Variants in MCEE observed in about 807,000 individuals in gnomAD.
MCEE encodes the protein methylmalonyl-CoA epimerase, mitochondrial.
A neutral mutation model predicts 12.9 loss-of-function variants in MCEE; 6 were observed. The ratio of observed to expected loss-of-function variants is 0.47; its 90% CI spans 0.26 to 0.92. MCEE has a LOEUF of 0.92. Ranked by LOEUF, MCEE falls within the 40% of genes least tolerant of loss-of-function variation. The probability of loss-of-function intolerance (pLI) is 0.16; values close to 1 mark genes in which losing one functional copy is unlikely to be tolerated. For missense variants in MCEE, 214 were observed against 212.1 expected (o/e 1.01, Z -0.05); for synonymous variants, 78 against 77.9 (o/e 1.00, Z -0.01).
intron 1 of MCEE, among the ~76,000 whole-genome samples, chr2:71,126,411 A>G (rs551138818): frequency 1.3e-5 from 2 of 152,100 alleles, no homozygotes; most frequent in South Asian, 4.2e-4. Flanking sequence ...TATTTTTAGT[A>G]GAGACAGGGT....
intron 2 of MCEE, among the ~76,000 whole-genome samples, chr2:71,114,915 T>C (rs1443240830): frequency 1.3e-5 from 2 of 152,222 alleles, no homozygotes; most frequent in Non-Finnish European, 2.9e-5. Context: ...TTTCATGATA[T>C]AATCATGACT....
intron 2 of MCEE, among the ~76,000 whole-genome samples, chr2:71,120,816 C>A (rs1400536775): frequency 6.6e-6 from 1 of 151,838 alleles, no homozygotes; most frequent in African/African-American, 2.4e-5. Flanking sequence ...TGGCTCACTG[C>A]AACCTCTGCC....
chr2:71,120,889 C>T (rs12713736), intron 2 of MCEE, among the ~76,000 whole-genome samples: 42,834 of 151,866 alleles, frequency 0.28, 7,112 homozygotes, highest in East Asian at 0.65. Context: ...AGGTGTGCGC[C>T]GCCACGTCCA....
intron 1 of MCEE, among the ~76,000 whole-genome samples, chr2:71,125,402 T>C (rs935107070): frequency 6.6e-6 from 1 of 151,474 alleles, no homozygotes; most frequent in Non-Finnish European, 1.5e-5. Context: ...AGATGGGGTT[T>C]CGCCTCATTG....
chr2:71,115,891 C>A (rs952202020), intron 2 of MCEE, among the ~76,000 whole-genome samples: 2 of 149,248 alleles, frequency 1.3e-5, no homozygotes, highest in Admixed American at 6.6e-5. Context: ...CAGCAAACCA[C>A]TATGGCACAT....
chr2:71,123,261 G>A (rs759396934), intron 2 of MCEE, among the ~76,000 whole-genome samples: 6 of 152,178 alleles, frequency 3.9e-5, no homozygotes, highest in South Asian at 2.1e-4. Flanking sequence ...AGAGGCTGAC[G>A]TAGGTGAATC....
intron 1 of MCEE, 84 bp downstream of exon 1, chr2:71,130,096 G>T: frequency 7.2e-7 from 1 of 1,385,700 alleles, no homozygotes; most frequent in Non-Finnish European, 1.0e-6. Flanking sequence ...AGGTGCTTTG[G>T]CCACGCCGAG....
Position 71,109,898 on chromosome 2 carries a change from T to C in MCEE, c.*72A>G. ...ATGATGGAAGCAGTGAAGGACTCAA[T>C]GTCATAGTACATTTTGATAGTATTT... On this transcript the variant is annotated 3_prime_UTR_variant, in exon 3 of 3. Coordinates refer to ENST00000244217, the MANE Select transcript of MCEE (RefSeq NM_032601.4). The C allele has an allele frequency of 1.3e-6, 2 of 1,487,168 alleles. No individual in the cohort carries two copies. The highest frequency in any genetic ancestry group is 1.9e-6 in the Non-Finnish European group (2 of 1,073,658). The allele number at this position is 1,487,168 out of a possible 1,614,324, so 92.1% of individuals were successfully genotyped here.
At chr2:71,115,747 A>G (rs958537733) in intron 2 of MCEE, among the ~76,000 whole-genome samples, 1 of 142,750 alleles carries the variant, frequency 7.0e-6, no homozygotes, top group Non-Finnish European at 1.5e-5. Context: ...GTTCTCACTC[A>G]TAAGTGGGAG....
In MCEE at chr2:71,130,164, G is replaced by A. The variant is rs1375621431; in HGVS notation, c.40+16C>T. 2 of 1,607,494 alleles carry A rather than the reference G, an allele frequency of 1.2e-6. No homozygotes were observed. Among genetic ancestry groups the A allele is most frequent in the Admixed American group, 1.7e-5 (1 of 59,406 alleles). ...TCCCTGTCCCATGGCGAAGGTCGCC[G>A]GTGCCCGGTATTCACCTACGGCATT... On this transcript the variant is annotated intron_variant, in intron 1 of 2. Coordinates refer to ENST00000244217, the MANE Select transcript of MCEE (RefSeq NM_032601.4).
rs184083097 is a variant in MCEE at position 71,124,810 on chromosome 2, A to G, written c.41-267T>C. ...ACACAGGATAACATTTTTTCATAAC[A>G]ATTCATATTTACTGGTAACACTTAA... is the stretch of plus-strand genomic sequence containing the variant. On this transcript the variant is annotated intron_variant, in intron 1 of 2. Transcript: ENST00000244217. Among the ~76,000 whole-genome samples the G allele has an allele frequency of 1.5e-4, 23 of 152,248 alleles. No individual in the cohort carries two copies. In the East Asian group the frequency reaches 3.1e-3, roughly 20 times the overall value.
At chr2:71,112,285 C>G (rs181490457) in intron 2 of MCEE, among the ~76,000 whole-genome samples, 1 of 150,616 alleles carries the variant, frequency 6.6e-6, no homozygotes, top group Non-Finnish European at 1.5e-5. Context: ...TACAGGCACA[C>G]GCCACCATGC....
chr2:71,129,492 A>AAG (rs1398085702), intron 1 of MCEE, among the ~76,000 whole-genome samples: 1 of 94,708 alleles, frequency 1.1e-5, no homozygotes, highest in Non-Finnish European at 2.7e-5. Flanking sequence ...TAAAAGGAGG[A>AAG]AGAGAAAAAA....
chr2:71,121,902 G>A (rs1168911939), intron 2 of MCEE, among the ~76,000 whole-genome samples: 1 of 152,144 alleles, frequency 6.6e-6, no homozygotes, highest in Non-Finnish European at 1.5e-5. Flanking sequence ...TATAATGAAG[G>A]CAACTGGCAT....
intron 2 of MCEE, among the ~76,000 whole-genome samples, chr2:71,120,557 T>C (rs1673079240): frequency 6.7e-6 from 1 of 150,348 alleles, no homozygotes; most frequent in Admixed American, 6.6e-5. Context: ...TAATTAACTA[T>C]TGAGATCGTA....
In MCEE at chr2:71,124,240, T is replaced by C. The variant is rs1164718176; in HGVS notation, c.344A>G (p.Asn115Ser). Residue 115 changes from asparagine (N) to serine (S), a missense_variant, in exon 2 of 3, where the codon AAC becomes AGC. Physicochemically the swap from Asn to Ser is conservative, Grantham distance 46. Coordinates refer to ENST00000244217, the MANE Select transcript of MCEE (RefSeq NM_032601.4). The part of the protein sequence containing the change: ...DSPIAGFLQK[N>S]KAGGMHHICI... Reference sequence around the variant, plus strand: ...GATGTGATGCATTCCTCCAGCCTTGTTTTTCTGCAGAAAACCTGCAATTGG... The same window carrying C: ...GATGTGATGCATTCCTCCAGCCTTGCTTTTCTGCAGAAAACCTGCAATTGG... The C allele has an allele frequency of 3.1e-6, 5 of 1,613,918 alleles. No individual in the cohort carries two copies. In the Admixed American group the frequency reaches 8.3e-5, roughly 27 times the overall value.
At position 71,109,882 on chromosome 2, in the gene MCEE, G is replaced by T; in HGVS notation, c.*88C>A. 2.4e-6 allele frequency: 3 copies of T among 1,257,920 alleles called. No individual in the cohort carries two copies. The South Asian group carries it at 3.7e-5, about 15-fold the overall frequency. The allele number at this position is 1,257,920 out of a possible 1,614,324, so 77.9% of individuals were successfully genotyped here. ...AACTGTGAACTTTTACATGATGGAA[G>T]CAGTGAAGGACTCAATGTCATAGTA... On this transcript the variant is annotated 3_prime_UTR_variant, in exon 3 of 3. Transcript: ENST00000244217.
intron 2 of MCEE, among the ~76,000 whole-genome samples, chr2:71,114,678 TTTAA>T (rs1470167111): frequency 6.6e-6 from 1 of 152,224 alleles, no homozygotes; most frequent in Non-Finnish European, 1.5e-5. Flanking sequence ...AAGATTTCCC[TTTAA>T]TTTTGACTGA....
chr2:71,125,294 C>T (rs1673202378), intron 1 of MCEE, among the ~76,000 whole-genome samples: 1 of 145,928 alleles, frequency 6.9e-6, no homozygotes, highest in East Asian at 2.0e-4. Flanking sequence ...CTGCAACCTC[C>T]GCCCCCCAGG....
Sources: allele counts gnomAD v4.1 joint callset (sites outside exome capture counted in the v4.1 genomes callset), GRCh38; gene constraint gnomAD v4.1.1; transcripts MANE v1.5; gene names NCBI Gene and HGNC (gene_info 2026-07-23, HGNC 2026-07-21).